SNTG1: variants seen among roughly 807,000 people sequenced by gnomAD.
The protein encoded by SNTG1 is syntrophin gamma 1, also known as gamma-1-syntrophin.
SNTG1 carries 39 observed loss-of-function variants against 74.7 expected under a neutral mutation model. The ratio of observed to expected loss-of-function variants is 0.52; its 90% CI spans 0.40 to 0.68. SNTG1 has a LOEUF of 0.68. Among genes scored for constraint, SNTG1 ranks in the 30% least tolerant of loss-of-function variants. The pLI is 0.00. For synonymous variants in SNTG1, 254 were observed against 217.1 expected (o/e 1.17, Z -1.49); for missense variants, 685 against 609.5 (o/e 1.12, Z -1.30).
intron 1 of SNTG1, among the ~76,000 whole-genome samples, chr8:50,077,027 A>G (rs1471513184): frequency 6.6e-6 from 1 of 152,160 alleles, no homozygotes; most frequent in Non-Finnish European, 1.5e-5. Context: ...GAAACATCAA[A>G]ATTAGGTGAC....
At chr8:50,617,212 A>C (rs2094890682) in intron 13 of SNTG1, among the ~76,000 whole-genome samples, 1 of 152,154 alleles carries the variant, frequency 6.6e-6, no homozygotes, top group Non-Finnish European at 1.5e-5. Context: ...CTGCAAGAAT[A>C]CAAGCTTGGA....
At chr8:49,991,045 G>GA (rs1418005732) in intron 1 of SNTG1, among the ~76,000 whole-genome samples, 8 of 152,142 alleles carry the variant, frequency 5.3e-5, no homozygotes, top group South Asian at 2.1e-4. Flanking sequence ...TTATGTATCT[G>GA]ATGATAGACT....
chr8:50,563,559 A>G (rs1432353662), intron 12 of SNTG1, among the ~76,000 whole-genome samples: 2 of 152,120 alleles, frequency 1.3e-5, no homozygotes, highest in Non-Finnish European at 2.9e-5. Flanking sequence ...TCATAATGAA[A>G]TGTCTGATAG....
chr8:50,638,610 C>T (rs554530906), intron 13 of SNTG1, among the ~76,000 whole-genome samples: 39 of 152,082 alleles, frequency 2.6e-4, no homozygotes, highest in Non-Finnish European at 4.9e-4. Flanking sequence ...TGATATATTC[C>T]GATGAAGAAT....
At chr8:50,391,481 T>TA (rs1563323547) in intron 2 of SNTG1, among the ~76,000 whole-genome samples, 1 of 152,208 alleles carries the variant, frequency 6.6e-6, no homozygotes, top group African/African-American at 2.4e-5. Context: ...GCCAGCATTT[T>TA]ATTGAGGATT....
At chr8:50,136,705 T>A (rs754302597) in intron 1 of SNTG1, among the ~76,000 whole-genome samples, 26 of 152,038 alleles carry the variant, frequency 1.7e-4, no homozygotes, top group Non-Finnish European at 2.6e-4. Flanking sequence ...TGAATGTTAT[T>A]TTATGCCTGA....
chr8:50,779,371 T>A (rs2131822139), intron 18 of SNTG1, among the ~76,000 whole-genome samples: 1 of 152,328 alleles, frequency 6.6e-6, no homozygotes, highest in South Asian at 2.1e-4. Context: ...TATCCTCTTT[T>A]ATTTCATCGA....
intron 1 of SNTG1, among the ~76,000 whole-genome samples, chr8:50,084,617 C>T (rs1253658261): frequency 6.6e-6 from 1 of 152,106 alleles, no homozygotes; most frequent in African/African-American, 2.4e-5. Flanking sequence ...CATCTAAAAT[C>T]ACAAACTGTA....
At chr8:50,074,726 G>C (rs1821676799) in intron 1 of SNTG1, among the ~76,000 whole-genome samples, 1 of 152,194 alleles carries the variant, frequency 6.6e-6, no homozygotes, top group African/African-American at 2.4e-5. Flanking sequence ...CTCACTCTCA[G>C]TGCCTCCTTG....
At chr8:49,928,741 A>G (rs2129353183) in intron 1 of SNTG1, among the ~76,000 whole-genome samples, 1 of 152,214 alleles carries the variant, frequency 6.6e-6, no homozygotes, top group South Asian at 2.1e-4. Flanking sequence ...AAATTAAGAA[A>G]TACTTTTCCC....
intron 8 of SNTG1, among the ~76,000 whole-genome samples, chr8:50,456,188 G>A (rs1351765856): frequency 6.6e-6 from 1 of 152,200 alleles, no homozygotes; most frequent in Non-Finnish European, 1.5e-5. Flanking sequence ...CATCCAGACA[G>A]CACAGGTGAC....
chr8:50,027,580 C>T (rs1817376584), intron 1 of SNTG1, among the ~76,000 whole-genome samples: 2 of 152,270 alleles, frequency 1.3e-5, no homozygotes, highest in South Asian at 2.1e-4. Flanking sequence ...CTGCTGCCAG[C>T]CAGGGGCTGC....
rs565953879 is a variant in SNTG1, at chr8:50,578,141, G to T, written c.811-12738G>T. Among the ~76,000 whole-genome samples the T allele has an allele frequency of 6.6e-5, 10 of 152,312 alleles. No homozygotes were observed. In the East Asian group the frequency reaches 1.9e-3, roughly 29 times the overall value. The stretch of plus-strand genomic sequence containing the variant: ...AATAAGACACATGTCTCTTCTTAAG[G>T]ATTACACTGCATTTAGTAAACACAT... On this transcript the variant is annotated intron_variant, in intron 12 of 18. Transcript: ENST00000642720.
intron 2 of SNTG1, among the ~76,000 whole-genome samples, chr8:50,357,877 G>A (rs1317510695): frequency 2.0e-5 from 3 of 152,212 alleles, no homozygotes; most frequent in Non-Finnish European, 2.9e-5. Flanking sequence ...AGATGATCCT[G>A]GCCAGCATTT....
At chr8:49,930,820 A>G (rs183250491) in intron 1 of SNTG1, among the ~76,000 whole-genome samples, 1 of 152,278 alleles carries the variant, frequency 6.6e-6, no homozygotes, top group Admixed American at 6.5e-5. Context: ...TATAAATAAG[A>G]TATTAGTAAG....
chr8:50,624,338 T>A (rs13248816), intron 13 of SNTG1, among the ~76,000 whole-genome samples: 6,985 of 139,710 alleles, frequency 0.05, 198 homozygotes, highest in Admixed American at 0.085. Context: ...AAAATTATAT[T>A]TTTTTTCAAC....
At chr8:50,330,240 C>T (rs1193431089) in intron 2 of SNTG1, among the ~76,000 whole-genome samples, 1 of 152,142 alleles carries the variant, frequency 6.6e-6, no homozygotes, top group Non-Finnish European at 1.5e-5. Context: ...TTGCTTGGCA[C>T]TTCTCCTTCC....
At chr8:50,051,267 C>CACACACAA (rs1554559626) in intron 1 of SNTG1, among the ~76,000 whole-genome samples, 1 of 151,542 alleles carries the variant, frequency 6.6e-6, no homozygotes, top group Non-Finnish European at 1.5e-5. Context: ...CACACACACA[C>CACACACAA]ACAAACAAAC....
intron 17 of SNTG1, among the ~76,000 whole-genome samples, chr8:50,745,043 A>G (rs2095552094): frequency 6.6e-6 from 1 of 151,986 alleles, no homozygotes; most frequent in African/African-American, 2.4e-5. Flanking sequence ...AATAAAAGAT[A>G]GATAAATTGG....
Sources: allele counts gnomAD v4.1 joint callset (sites outside exome capture counted in the v4.1 genomes callset), GRCh38; gene constraint gnomAD v4.1.1; transcripts MANE v1.5; gene names NCBI Gene and HGNC (gene_info 2026-07-23, HGNC 2026-07-21).